The following TESC variants were observed in gnomAD, a reference collection of about 807,000 sequenced individuals.
The protein encoded by TESC is calcineurin B homologous protein 3.
In TESC, 19 loss-of-function variants were observed where a neutral mutation model predicts 31.0. The ratio of observed to expected loss-of-function variants is 0.61; its 90% CI spans 0.43 to 0.90. The LOEUF is 0.90. Ranked by LOEUF, TESC falls within the 40% of genes least tolerant of loss-of-function variation. The pLI is 0.00. For synonymous variants in TESC, 109 were observed against 114.8 expected (o/e 0.95, Z 0.32); for missense variants, 248 against 303.8 (o/e 0.82, Z 1.36).
At chr12:117,047,573 C>T (rs200475736) in intron 4 of TESC, among the ~76,000 whole-genome samples, 35 of 152,126 alleles carry the variant, frequency 2.3e-4, no homozygotes, top group East Asian at 5.8e-4. Flanking sequence ...TACAGGTGCA[C>T]GCCGCCATGC....
chr12:117,080,901 AG>A (rs1194506147), intron 1 of TESC, among the ~76,000 whole-genome samples: 2 of 152,172 alleles, frequency 1.3e-5, no homozygotes, highest in African/African-American at 4.8e-5. Context: ...CTGGGTTGGT[AG>A]CTTTTCCAGT....
chr12:117,043,796 C>A (rs1469783722), intron 6 of TESC, among the ~76,000 whole-genome samples: 1 of 152,174 alleles, frequency 6.6e-6, no homozygotes. Flanking sequence ...ATCTCACAAC[C>A]GGCCCTGAGT....
rs1954732233 is a variant in TESC at position 117,056,804 on chromosome 12, AC to A, written c.209+1del. 6.2e-7 allele frequency: 1 copy of A among 1,613,948 alleles called. No individual in the cohort carries two copies. The highest frequency in any genetic ancestry group is 8.5e-7 in the Non-Finnish European group (1 of 1,179,988). The stretch of plus-strand genomic sequence containing the variant: ...TGGGCTGGTTCAGGGGAAAACGCCC[AC>A]CTGTTGTCGAAGAAGGCACGAACAA... On this transcript the variant is annotated splice_donor_variant, in intron 3 of 7. Transcript: ENST00000335209. LOFTEE classifies it high-confidence loss of function.
intron 1 of TESC, among the ~76,000 whole-genome samples, chr12:117,091,982 A>T (rs1290654065): frequency 2.6e-5 from 4 of 152,198 alleles, no homozygotes; most frequent in Non-Finnish European, 5.9e-5. Context: ...TGCACTTGGC[A>T]AATCCCACTA....
intron 2 of TESC, among the ~76,000 whole-genome samples, chr12:117,066,226 G>GTTTTTTTTTTTT (rs1286388141): frequency 8.5e-6 from 1 of 118,072 alleles, no homozygotes; most frequent in African/African-American, 3.5e-5. Flanking sequence ...TTTTTTTTTG[G>GTTTTTTTTTTTT]GGCAGGGCTT....
intron 6 of TESC, 21 bp downstream of exon 6, chr12:117,046,538 G>T: frequency 6.5e-7 from 1 of 1,541,222 alleles, no homozygotes. Context: ...CGCGTCTCGG[G>T]AGGGCTGCAG....
At chr12:117,079,647 C>T (rs1358146968) in intron 1 of TESC, among the ~76,000 whole-genome samples, 1 of 151,722 alleles carries the variant, frequency 6.6e-6, no homozygotes, top group African/African-American at 2.4e-5. Flanking sequence ...ATTCCATTTG[C>T]ATGAAATGCT....
intron 4 of TESC, among the ~76,000 whole-genome samples, chr12:117,048,084 G>A (rs1183336721): frequency 6.6e-6 from 1 of 152,172 alleles, no homozygotes; most frequent in Non-Finnish European, 1.5e-5. Flanking sequence ...GGTGTGCAAA[G>A]CGCTTCACAA....
At chr12:117,088,702 A>G (rs534384262) in intron 1 of TESC, among the ~76,000 whole-genome samples, 97 of 148,624 alleles carry the variant, frequency 6.5e-4, no homozygotes, top group African/African-American at 2.3e-3. Flanking sequence ...AAAAATGTAC[A>G]AGGCTTACTT....
At chr12:117,039,240 C>T (rs371080970) in intron 7 of TESC, 30 bp from the exon 8 acceptor site, 100 of 1,595,066 alleles carry the variant, frequency 6.3e-5, no homozygotes, top group Non-Finnish European at 7.8e-5. Context: ...GTTAAGGGCA[C>T]GTTCCCGCCG....
intron 3 of TESC, among the ~76,000 whole-genome samples, chr12:117,056,113 G>T (rs1396786041): frequency 6.6e-6 from 1 of 152,088 alleles, no homozygotes; most frequent in Non-Finnish European, 1.5e-5. Context: ...CAGAGACAGG[G>T]TTTCACCAGG....
At chr12:117,039,639 T>C (rs1355628828) in intron 7 of TESC, among the ~76,000 whole-genome samples, 2 of 152,156 alleles carry the variant, frequency 1.3e-5, no homozygotes, top group Non-Finnish European at 2.9e-5. Context: ...ATGGACGCGT[T>C]TTGTAAACTG....
chr12:117,048,726 G>C (rs1369903211), intron 4 of TESC: 1 of 561,944 alleles, frequency 1.8e-6, no homozygotes, highest in Non-Finnish European at 3.4e-6. Context: ...GGTGAGACGG[G>C]CCACACTGGA....
chr12:117,080,277 G>A lies in TESC; in HGVS notation c.59-4937C>T, dbSNP rs540046049. On this transcript the variant is annotated intron_variant, in intron 1 of 7. Coordinates refer to ENST00000335209, the MANE Select transcript of TESC (RefSeq NM_017899.4). ...GAGGCCAGGAGTTCGAGACCTGCCCGGCCAACATGGTGAAACCCCATCTCT... is the reference window on the plus strand; with the variant it reads ...GAGGCCAGGAGTTCGAGACCTGCCCAGCCAACATGGTGAAACCCCATCTCT... Among the ~76,000 whole-genome samples, 8 of 152,220 alleles carry A rather than the reference G, an allele frequency of 5.3e-5. No homozygotes were observed. In the South Asian group the frequency reaches 8.3e-4, roughly 16 times the overall value.
chr12:117,075,869 A>T (rs11068317), intron 1 of TESC, among the ~76,000 whole-genome samples: 3 of 31,446 alleles, frequency 9.5e-5, no homozygotes, highest in African/African-American at 2.5e-4. Context: ...ATATATATAT[A>T]TGTGTGTATA....
chr12:117,073,796 G>A (rs776991151), intron 2 of TESC, among the ~76,000 whole-genome samples: 2 of 152,126 alleles, frequency 1.3e-5, no homozygotes, highest in Admixed American at 6.6e-5. Context: ...TAACCCAGCT[G>A]TAAGTAACTC....
chr12:117,055,102 C>T lies in TESC; in HGVS notation c.209+1704G>A, dbSNP rs181450462. ...AGCTTCACCACACATCCCCTCAGTG[C>T]CCCTCACAGCAACCCTGCTAGGCAA... is the stretch of plus-strand genomic sequence containing the variant. On this transcript the variant is annotated intron_variant, in intron 3 of 7. Coordinates refer to ENST00000335209, the MANE Select transcript of TESC (RefSeq NM_017899.4). 6.5e-4 allele frequency among the ~76,000 whole-genome samples: 99 copies of T among 152,300 alleles called. 1 individual carries two copies. The East Asian group carries it at 0.016, about 24-fold the overall frequency.
chr12:117,082,359 C>T (rs186878585), intron 1 of TESC, among the ~76,000 whole-genome samples: 74 of 152,018 alleles, frequency 4.9e-4, no homozygotes, highest in African/African-American at 1.6e-3. Flanking sequence ...CAAAAATTAG[C>T]CGGGCATGGT....
rs187730530 is a variant in TESC, at chr12:117,087,829, C to T, written c.58+11396G>A. 1.9e-4 allele frequency among the ~76,000 whole-genome samples: 29 copies of T among 152,196 alleles called. No individual in the cohort carries two copies. In the East Asian group the frequency reaches 5.4e-3, roughly 28 times the overall value. ...CTGCACTCCAGCTTGGGTGACAGAG[C>T]GAGACTCTGTCTCAATAAATAAATA... On this transcript the variant is annotated intron_variant, in intron 1 of 7. Coordinates refer to ENST00000335209, the MANE Select transcript of TESC (RefSeq NM_017899.4).
Sources: allele counts gnomAD v4.1 joint callset (sites outside exome capture counted in the v4.1 genomes callset), GRCh38; gene constraint gnomAD v4.1.1; transcripts MANE v1.5; gene names NCBI Gene and HGNC (gene_info 2026-07-23, HGNC 2026-07-21).